Variants in PPP1R12A observed in about 807,000 individuals in gnomAD.
The protein encoded by PPP1R12A is myosin binding subunit.
In PPP1R12A, 19 loss-of-function variants were observed where a neutral mutation model predicts 139.6. The observed-to-expected ratio is 0.14, with a 90% CI of 0.09 to 0.20. The LOEUF (loss-of-function observed/expected upper bound fraction) is 0.20, where lower values mean the gene tolerates loss of function less well. Ranked by LOEUF, PPP1R12A falls within the 10% of genes least tolerant of loss-of-function variation. The pLI, the probability that PPP1R12A is intolerant of heterozygous loss-of-function variation, is 1.00. For missense variants in PPP1R12A, 925 were observed against 1,211.5 expected, an observed-to-expected ratio of 0.76 and a Z score of 3.51; for synonymous variants, 427 against 420.6, an observed-to-expected ratio of 1.02 and a Z score of -0.19.
intron 3 of PPP1R12A, among the ~76,000 whole-genome samples, chr12:79,837,245 T>C (rs1424542010): frequency 6.6e-6 from 1 of 152,126 alleles, no homozygotes; most frequent in Non-Finnish European, 1.5e-5. Context: ...GTCACTATGA[T>C]TTAAGAGCAG....
At chr12:79,788,540 G>T (rs1372752598) in intron 21 of PPP1R12A, 108 bp downstream of exon 21, 1 of 1,106,260 alleles carries the variant, frequency 9.0e-7, no homozygotes, top group South Asian at 2.1e-5. Flanking sequence ...CTGAAAATAA[G>T]TTATTTCAAA....
At chr12:79,837,677 T>C (rs1014329587) in intron 3 of PPP1R12A, among the ~76,000 whole-genome samples, 7 of 152,190 alleles carry the variant, frequency 4.6e-5, no homozygotes, top group Non-Finnish European at 1.0e-4. Context: ...GTTCTTGTGA[T>C]AGTGAGTGAG....
chr12:79,849,447 G>C (rs866287779), intron 2 of PPP1R12A, among the ~76,000 whole-genome samples: 1 of 152,036 alleles, frequency 6.6e-6, no homozygotes. Context: ...CAAACTACAG[G>C]CTATCTGGAA....
In PPP1R12A at chr12:79,845,308, G is replaced by A. The variant is rs1276116316; in HGVS notation, c.481C>T (p.Arg161Trp). 10 of 1,605,168 alleles carry A rather than the reference G, an allele frequency of 6.2e-6. No individual in the cohort carries two copies. Among genetic ancestry groups the A allele is most frequent in the East Asian group, 2.2e-5 (1 of 44,720 alleles). Residue 161 changes from arginine to tryptophan, a missense_variant, in exon 3 of 25, where the codon CGG (arginine) becomes TGG (tryptophan). Transcript: ENST00000450142. The stretch of plus-strand genomic sequence containing the variant: ...AGGTTGCTTTTTATTTTACCTTGCC[G>A]ATTAACTTCATTTTGAAGTAGCTCT... ...MEELLQNEVNRQGVDIEAARK... is the reference protein window; with the variant it reads ...MEELLQNEVNWQGVDIEAARK...
At chr12:79,907,966 A>G (rs1475964947) in intron 1 of PPP1R12A, among the ~76,000 whole-genome samples, 2 of 152,200 alleles carry the variant, frequency 1.3e-5, no homozygotes, top group Non-Finnish European at 2.9e-5. Context: ...TCTGTGGTAT[A>G]TAATAGTGGT....
Position 79,828,468 on chromosome 12 carries a change from A to C in PPP1R12A, c.648-4T>G. ...ATAGCCTGCCTGTATTAAAAGTCTA[A>C]AGAAATTACAGTGAATTAGACAATC... On this transcript the variant is annotated splice_region_variant and splice_polypyrimidine_tract_variant and intron_variant, in intron 4 of 24. Coordinates refer to ENST00000450142, the MANE Select transcript of PPP1R12A (RefSeq NM_002480.3). The C allele has an allele frequency of 6.3e-7, 1 of 1,585,682 alleles. No individual in the cohort carries two copies. The highest frequency in any genetic ancestry group is 1.7e-4 in the Middle Eastern group (1 of 5,964).
chr12:79,850,102 G>A (rs549216104), intron 2 of PPP1R12A, among the ~76,000 whole-genome samples: 4 of 152,130 alleles, frequency 2.6e-5, no homozygotes, highest in South Asian at 2.1e-4. Flanking sequence ...GTGAGCCACC[G>A]GGCCCAACCA....
Position 79,778,553 on chromosome 12 carries a change from G to C in PPP1R12A, c.3003C>G (p.Leu1001=). 6.5e-7 allele frequency: 1 copy of C among 1,530,048 alleles called. No individual in the cohort carries two copies. The highest frequency in any genetic ancestry group is 1.2e-5 in the South Asian group (1 of 81,166). 94.8% of individuals were successfully genotyped at this position (1,530,048 alleles called of 1,614,324 possible). Residue 1001 remains leucine (L), a synonymous_variant, in exon 24 of 25, where the codon CTC becomes CTG. Coordinates refer to ENST00000450142, the MANE Select transcript of PPP1R12A (RefSeq NM_002480.3). ...ATAAGTAACATAGTTTACTTACTTT[G>C]AGCTCTTCTTCCATTTCAGATATTC... ...ERRISEMEEE[L]KMLPDLKADN... is the part of the protein sequence containing the mutation.
intron 1 of PPP1R12A, among the ~76,000 whole-genome samples, chr12:79,928,348 T>A (rs975068196): frequency 6.6e-6 from 1 of 152,314 alleles, no homozygotes; most frequent in East Asian, 1.9e-4. Flanking sequence ...ACAGCAGCAG[T>A]GTGGGCACTG....
chr12:79,925,608 T>C (rs1887779611), intron 1 of PPP1R12A, among the ~76,000 whole-genome samples: 1 of 152,186 alleles, frequency 6.6e-6, no homozygotes, highest in African/African-American at 2.4e-5. Flanking sequence ...CTTCTTTCCA[T>C]GGTTTCTACT....
chr12:79,909,665 T>G (rs990668935), intron 1 of PPP1R12A, among the ~76,000 whole-genome samples: 5 of 148,154 alleles, frequency 3.4e-5, no homozygotes, highest in African/African-American at 1.0e-4. Context: ...ACCCGGGAGG[T>G]GGAGGCTGCA....
intron 1 of PPP1R12A, among the ~76,000 whole-genome samples, chr12:79,923,709 C>T (rs1232107434): frequency 1.3e-5 from 2 of 152,156 alleles, no homozygotes; most frequent in Non-Finnish European, 2.9e-5. Flanking sequence ...ATAAAATTCA[C>T]ATACAACATT....
rs549581992 is a variant in PPP1R12A, at chr12:79,871,909, A to G, written c.368+899T>C. ...AGAAATCATGGCTCAGAAAGAGGAA[A>G]CAAATTATGGAAAGATGTCGTATAG... On this transcript the variant is annotated intron_variant, in intron 2 of 24. Transcript: ENST00000450142. Among the ~76,000 whole-genome samples the G allele has an allele frequency of 3.9e-5, 6 of 152,338 alleles. No individual in the cohort carries two copies. The South Asian group carries it at 1.0e-3, about 26-fold the overall frequency.
chr12:79,786,590 T>C (rs1871163495), intron 21 of PPP1R12A, 112 bp from the exon 22 acceptor site: 1 of 617,014 alleles, frequency 1.6e-6, no homozygotes, highest in Non-Finnish European at 2.6e-6. Flanking sequence ...ATATGAGCTA[T>C]AAAGGATACA....
intron 9 of PPP1R12A, among the ~76,000 whole-genome samples, chr12:79,814,771 C>T (rs1404358276): frequency 1.3e-4 from 18 of 134,880 alleles, no homozygotes; most frequent in East Asian, 6.6e-4. Context: ...GCCGAGATTG[C>T]GCCACTGCAC....
intron 9 of PPP1R12A, among the ~76,000 whole-genome samples, chr12:79,811,135 G>C (rs1874474888): frequency 6.6e-6 from 1 of 152,076 alleles, no homozygotes; most frequent in African/African-American, 2.4e-5. Flanking sequence ...CACAAGCATA[G>C]GGTATTAATA....
intron 2 of PPP1R12A, among the ~76,000 whole-genome samples, chr12:79,861,089 C>A (rs1169383790): frequency 6.6e-6 from 1 of 152,038 alleles, no homozygotes; most frequent in Non-Finnish European, 1.5e-5. Context: ...AGTAGCCATC[C>A]TAAGGAACAG....
intron 1 of PPP1R12A, among the ~76,000 whole-genome samples, chr12:79,934,015 G>A (rs536748100): frequency 1.7e-5 from 1 of 57,766 alleles, no homozygotes; most frequent in African/African-American, 3.3e-5. Context: ...TTCCGGTCCG[G>A]AGGTGGGCAA....
chr12:79,846,574 C>A (rs1438557842), intron 2 of PPP1R12A, among the ~76,000 whole-genome samples: 1 of 151,458 alleles, frequency 6.6e-6, no homozygotes, highest in Non-Finnish European at 1.5e-5. Flanking sequence ...GGACTACAGG[C>A]ACCCGCCACT....
Sources: gnomAD v4.1 joint callset for allele counts (sites outside exome capture counted in the v4.1 genomes callset) on GRCh38, gnomAD v4.1.1 for gene constraint, MANE v1.5 for transcripts, NCBI Gene and HGNC (gene_info 2026-07-23, HGNC 2026-07-21) for gene names.